The following RBFOX3 variants were observed in gnomAD, a reference collection of about 807,000 sequenced individuals.
RBFOX3 encodes the protein RNA binding fox-1 homolog 3, also known as RNA binding protein fox-1 homolog 3.
A neutral mutation model predicts 48.7 loss-of-function variants in RBFOX3; 17 were observed. The observed-to-expected ratio is 0.35, with a 90% confidence interval of 0.24 to 0.52. The LOEUF is 0.52. Ranked by LOEUF, RBFOX3 falls within the 20% of genes least tolerant of loss-of-function variation. The pLI is 0.94. For synonymous variants in RBFOX3, 212 were observed against 209.5 expected (o/e 1.01, Z -0.10); for missense variants, 382 against 497.5 (o/e 0.77, Z 2.21).
At position 79,103,079 on chromosome 17, in the gene RBFOX3, T is replaced by C. The variant is rs567609858; in HGVS notation, c.507+83A>G. The C allele has an allele frequency of 3.9e-6, 4 of 1,034,774 alleles. No homozygotes were observed. Among genetic ancestry groups the C allele is most frequent in the Admixed American group, 2.0e-5 (1 of 49,850 alleles). 64.1% of individuals were successfully genotyped at this position (1,034,774 alleles called of 1,614,324 possible). A position where few individuals can be genotyped will look rare whatever the true frequency, so the allele number is the denominator to read the frequency against. ...CCAGGCTCTCTGAAGGGTGCGGCAG[T>C]GGCAGGGCTGGTTGGTTGGGGGAGC... On this transcript the variant is annotated intron_variant, in intron 8 of 14. Transcript: ENST00000693108. This position sits in a 1 kb window ranked among gnomAD's most constrained non-coding sequence, Gnocchi z 6.1.
At chr17:79,530,918 G>A (rs1372001917) in intron 1 of RBFOX3, among the ~76,000 whole-genome samples, 1 of 152,172 alleles carries the variant, frequency 6.6e-6, no homozygotes, top group African/African-American at 2.4e-5. Flanking sequence ...CGGGTTAGAC[G>A]GTCTCGGCCA....
At chr17:79,429,489 C>T (rs782187240) in intron 2 of RBFOX3, among the ~76,000 whole-genome samples, 1 of 152,218 alleles carries the variant, frequency 6.6e-6, no homozygotes, top group Non-Finnish European at 1.5e-5. Context: ...GAGGCCATGC[C>T]GTGGACTGGG....
intron 1 of RBFOX3, among the ~76,000 whole-genome samples, chr17:79,513,749 C>T (rs1341882525): frequency 6.6e-6 from 1 of 152,210 alleles, no homozygotes; most frequent in Non-Finnish European, 1.5e-5. Flanking sequence ...GTCAGTGAGG[C>T]GGTACAGGCG....
At chr17:79,536,539 C>T (rs1170249408) in intron 1 of RBFOX3, among the ~76,000 whole-genome samples, 2 of 152,272 alleles carry the variant, frequency 1.3e-5, no homozygotes, top group Non-Finnish European at 2.9e-5. Flanking sequence ...ACTGTGGTGG[C>T]ATCAGCCCCG....
intron 4 of RBFOX3, among the ~76,000 whole-genome samples, chr17:79,136,763 G>A (rs188078194): frequency 1.2e-3 from 184 of 152,270 alleles, no homozygotes; most frequent in Non-Finnish European, 1.9e-3. Flanking sequence ...CAGGGCAGGC[G>A]GCAGTGCCAG....
intron 4 of RBFOX3, among the ~76,000 whole-genome samples, chr17:79,190,489 G>C (rs1302143959): frequency 6.6e-6 from 1 of 151,480 alleles, no homozygotes; most frequent in Non-Finnish European, 1.5e-5. Context: ...TGATGGGGCT[G>C]GAAGGGGAAG....
At chr17:79,271,676 C>T (rs1600332899) in intron 3 of RBFOX3, among the ~76,000 whole-genome samples, 4 of 152,368 alleles carry the variant, frequency 2.6e-5, no homozygotes, top group Middle Eastern at 6.8e-3. Context: ...CCTGCGGCTA[C>T]TTCCCTGGGT....
At chr17:79,206,307 G>A (rs1382608819) in intron 4 of RBFOX3, among the ~76,000 whole-genome samples, 1 of 152,084 alleles carries the variant, frequency 6.6e-6, no homozygotes, top group Non-Finnish European at 1.5e-5. Context: ...CACTTCCAAA[G>A]GCTATCCGTT....
rs181877218 is a variant in RBFOX3 at position 79,134,064 on chromosome 17, G to C, written c.-33-18316C>G. On this transcript the variant is annotated intron_variant, in intron 4 of 14. Coordinates refer to ENST00000693108, the MANE Select transcript of RBFOX3 (RefSeq NM_001350451.2). ...GCCCAGGACATGAGGTGGGCAGGAGGGGGTGGAGACGGCGGGAAGGCAGGA... is the reference window on the plus strand; with the variant it reads ...GCCCAGGACATGAGGTGGGCAGGAGCGGGTGGAGACGGCGGGAAGGCAGGA... 6.6e-3 allele frequency among the ~76,000 whole-genome samples: 1,010 copies of C among 152,316 alleles called. 10 individuals are homozygous for C. Among genetic ancestry groups the C allele is most frequent in the Non-Finnish European group, 0.011 (721 of 68,026 alleles).
At chr17:79,389,289 C>G (rs745880060) in intron 2 of RBFOX3, among the ~76,000 whole-genome samples, 1 of 152,182 alleles carries the variant, frequency 6.6e-6, no homozygotes, top group Non-Finnish European at 1.5e-5. Flanking sequence ...GGTAGAAACA[C>G]AAAGGTCTGG....
intron 2 of RBFOX3, among the ~76,000 whole-genome samples, chr17:79,384,683 A>G (rs2060343818): frequency 6.6e-6 from 1 of 152,218 alleles, no homozygotes; most frequent in African/African-American, 2.4e-5. Flanking sequence ...ACAGACGGCC[A>G]GGGGTGAGGC....
At chr17:79,149,793 C>T (rs947137462) in intron 4 of RBFOX3, among the ~76,000 whole-genome samples, 21 of 151,286 alleles carry the variant, frequency 1.4e-4, no homozygotes, top group Non-Finnish European at 1.9e-4. Flanking sequence ...TGCTGGGCAT[C>T]GCCATGAGCT....
chr17:79,278,296 C>T (rs1438180442), intron 3 of RBFOX3, among the ~76,000 whole-genome samples: 1 of 152,216 alleles, frequency 6.6e-6, no homozygotes, highest in Non-Finnish European at 1.5e-5. Context: ...AGAAAGAGGG[C>T]CTCTGCCCCC....
intron 2 of RBFOX3, among the ~76,000 whole-genome samples, chr17:79,415,172 G>A (rs975584497): frequency 2.6e-5 from 4 of 152,196 alleles, no homozygotes; most frequent in Admixed American, 1.3e-4. Flanking sequence ...TACGAGGACC[G>A]CCTTTGCCGA....
chr17:79,321,183 A>G (rs2078470935), intron 2 of RBFOX3, among the ~76,000 whole-genome samples: 1 of 152,250 alleles, frequency 6.6e-6, no homozygotes, highest in Non-Finnish European at 1.5e-5. Flanking sequence ...AAGACCATGC[A>G]GGAGCCCAGG....
intron 2 of RBFOX3, among the ~76,000 whole-genome samples, chr17:79,335,853 C>G (rs560892166): frequency 2.6e-5 from 4 of 152,364 alleles, no homozygotes; most frequent in African/African-American, 7.2e-5. Context: ...CTCCACGTAG[C>G]CTGCAGCCAT....
intron 2 of RBFOX3, among the ~76,000 whole-genome samples, chr17:79,330,187 G>A (rs1414020202): frequency 6.6e-6 from 1 of 152,242 alleles, no homozygotes; most frequent in Admixed American, 6.5e-5. Context: ...TAACCCCGCT[G>A]TGGGACACAG....
At chr17:79,155,224 G>A (rs1478279790) in intron 4 of RBFOX3, among the ~76,000 whole-genome samples, 1 of 152,258 alleles carries the variant, frequency 6.6e-6, no homozygotes, top group African/African-American at 2.4e-5. Flanking sequence ...GAGCCCACAA[G>A]GTGGGGGTGT....
upstream of RBFOX3, among the ~76,000 whole-genome samples, chr17:79,612,850 C>T (rs976477539): frequency 6.6e-6 from 1 of 152,226 alleles, no homozygotes; most frequent in African/African-American, 2.4e-5. Context: ...TGTCTCCCTG[C>T]AGGCAGGGCT....
Sources: allele counts gnomAD v4.1 joint callset (sites outside exome capture counted in the v4.1 genomes callset), GRCh38; gene constraint gnomAD v4.1.1; non-coding constraint Gnocchi (gnomAD v3.1); transcripts MANE v1.5; gene names NCBI Gene and HGNC (gene_info 2026-07-23, HGNC 2026-07-21).